Variants in ATP13A4 observed in about 807,000 individuals in gnomAD.
ATP13A4 encodes the protein probable cation-transporting ATPase 13A4.
Under a neutral mutation model 142.5 loss-of-function variants are expected in ATP13A4, and 114 were observed. The ratio of observed to expected loss-of-function variants is 0.80; its 90% CI spans 0.69 to 0.93. The LOEUF is 0.93. Ranked by LOEUF, ATP13A4 falls within the 40% of genes least tolerant of loss-of-function variation. The pLI is 0.00. For synonymous variants in ATP13A4, 488 were observed against 514.8 expected, an observed-to-expected ratio of 0.95 and a Z score of 0.70; for missense variants, 1,392 against 1,454.0, an observed-to-expected ratio of 0.96 and a Z score of 0.69.
At position 193,458,368 on chromosome 3, in the gene ATP13A4, G is replaced by T. The variant is rs117534905; in HGVS notation, c.1674+713C>A. Among the ~76,000 whole-genome samples the T allele has an allele frequency of 8.4e-4, 128 of 152,306 alleles. No homozygotes were observed. The East Asian group carries it at 0.013, about 15-fold the overall frequency. On this transcript the variant is annotated intron_variant, in intron 14 of 29. Transcript: ENST00000342695. ...TGGAGAACGTTTCCTTTTACGAGAA[G>T]ATTCCAGATTGTTTGTCTTGTTTTG...
At chr3:193,542,528 C>T (rs11706070) in intron 1 of ATP13A4, among the ~76,000 whole-genome samples, 1 of 152,020 alleles carries the variant, frequency 6.6e-6, no homozygotes, top group African/African-American at 2.4e-5. Context: ...CAAGACAATC[C>T]TAAGCAAAAA....
At chr3:193,534,034 G>A (rs1722466197) in intron 1 of ATP13A4, among the ~76,000 whole-genome samples, 1 of 152,184 alleles carries the variant, frequency 6.6e-6, no homozygotes, top group Admixed American at 6.5e-5. Flanking sequence ...GAAACCATCT[G>A]GGGAACATTA....
At chr3:193,577,510 G>A (rs887627858) in intron 2 of ATP13A4, among the ~76,000 whole-genome samples, 1 of 152,160 alleles carries the variant, frequency 6.6e-6, no homozygotes, top group African/African-American at 2.4e-5. Context: ...TTGAGAAAAT[G>A]AATACATTGC....
chr3:193,469,260 G>A (rs1718476719), intron 9 of ATP13A4, among the ~76,000 whole-genome samples: 2 of 152,196 alleles, frequency 1.3e-5, no homozygotes, highest in Non-Finnish European at 2.9e-5. Context: ...GAAAGTTATA[G>A]AGAAGATAGT....
At chr3:193,465,912 G>C (rs1718249172) in intron 11 of ATP13A4, 113 bp downstream of exon 11, 1 of 1,319,538 alleles carries the variant, frequency 7.6e-7, no homozygotes, top group Non-Finnish European at 1.1e-6. Context: ...ATCAGTGCTT[G>C]GTTTTGTTTC....
In ATP13A4 at chr3:193,454,220, G is replaced by C. The variant is rs1194428293; in HGVS notation, c.1916-8C>G. ...TAACAAAACTAGTGGGTACTGTTTA[G>C]AAAGAAACACAGGGTTAGTACGCAG... On this transcript the variant is annotated splice_region_variant and splice_polypyrimidine_tract_variant and intron_variant, in intron 16 of 29. Coordinates refer to ENST00000342695, the MANE Select transcript of ATP13A4 (RefSeq NM_032279.4). 1 of 1,591,870 alleles carries C rather than the reference G, an allele frequency of 6.3e-7. No individual in the cohort carries two copies. The highest frequency in any genetic ancestry group is 8.6e-7 in the Non-Finnish European group (1 of 1,159,868).
In ATP13A4 at chr3:193,518,550, T is replaced by C. The variant is rs79707945; in HGVS notation, c.61-3679A>G. On this transcript the variant is annotated intron_variant, in intron 1 of 29. Transcript: ENST00000342695. ...GAGAGGCCATACTGTTACATGCAGA[T>C]TATTGTCAAAGTCCTAGCTTTTGTT... is the stretch of plus-strand genomic sequence containing the variant. Among the ~76,000 whole-genome samples the C allele has an allele frequency of 5.5e-3, 838 of 152,316 alleles. 15 individuals are homozygous for C. In the East Asian group the frequency reaches 0.07, roughly 13 times the overall value.
intron 1 of ATP13A4, among the ~76,000 whole-genome samples, chr3:193,584,799 C>A (rs1376297342): frequency 6.6e-6 from 1 of 152,142 alleles, no homozygotes; most frequent in Non-Finnish European, 1.5e-5. Flanking sequence ...CTCATGTAAT[C>A]ATTCTTCATA....
In ATP13A4 at chr3:193,459,073, A is replaced by G. The variant is rs750411947; in HGVS notation, c.1674+8T>C. On this transcript the variant is annotated splice_region_variant and intron_variant, in intron 14 of 29. Transcript: ENST00000342695. ...GCTTCTCAGATTCTCTGAAGAGCAG[A>G]GGCTTACCCAGGTGGTGGCTTCAAA... 5.0e-6 allele frequency: 8 copies of G among 1,614,236 alleles called. No individual in the cohort carries two copies. The highest frequency in any genetic ancestry group is 6.8e-6 in the Non-Finnish European group (8 of 1,180,022).
chr3:193,458,755 GAGA>G, intron 14 of ATP13A4: 3 of 530,338 alleles, frequency 5.7e-6, no homozygotes, highest in Non-Finnish European at 6.7e-6. Context: ...ACAATGCTCG[GAGA>G]ACAGTACAGA....
rs566420317 is a variant in ATP13A4, at chr3:193,411,751, G to C, written c.3208+427C>G. 3.9e-5 allele frequency among the ~76,000 whole-genome samples: 6 copies of C among 152,300 alleles called. No individual in the cohort carries two copies. In the East Asian group the frequency reaches 1.2e-3, roughly 29 times the overall value. The stretch of plus-strand genomic sequence containing the variant: ...ACCCTCTCTAGTCAGGTTCCTCCAG[G>C]CTGGACCCACTAGCAGCCTGCCACC... On this transcript the variant is annotated intron_variant, in intron 27 of 29. Transcript: ENST00000342695.
intron 17 of ATP13A4, 55 bp downstream of exon 17, chr3:193,454,046 C>A: frequency 6.8e-7 from 1 of 1,464,888 alleles, no homozygotes; most frequent in Non-Finnish European, 9.6e-7. Flanking sequence ...GACATTCCAA[C>A]CTGGTACATC....
At chr3:193,460,916 T>C (rs911877326) in intron 13 of ATP13A4, among the ~76,000 whole-genome samples, 1 of 152,232 alleles carries the variant, frequency 6.6e-6, no homozygotes, top group African/African-American at 2.4e-5. Flanking sequence ...GGAAGAAATA[T>C]CAGAGATGAG....
chr3:193,527,200 C>A (rs9833496), intron 1 of ATP13A4, among the ~76,000 whole-genome samples: 21,438 of 152,150 alleles, frequency 0.14, 1,591 homozygotes, highest in Non-Finnish European at 0.16. Flanking sequence ...CCGCCCAAAT[C>A]TCATCTAGAA....
At chr3:193,465,904 C>T (rs1381900628) in intron 11 of ATP13A4, 121 bp downstream of exon 11, 2 of 1,175,338 alleles carry the variant, frequency 1.7e-6, no homozygotes, top group Admixed American at 1.8e-5. Context: ...ACGTAGGCAT[C>T]AGTGCTTGGT....
chr3:193,482,450 G>A (rs1465042313), intron 8 of ATP13A4, among the ~76,000 whole-genome samples: 1 of 152,064 alleles, frequency 6.6e-6, no homozygotes, highest in Non-Finnish European at 1.5e-5. Flanking sequence ...TCTGCTCTTT[G>A]AAAAACACTG....
chr3:193,450,301 T>G (rs1717204530), intron 17 of ATP13A4, among the ~76,000 whole-genome samples: 1 of 152,166 alleles, frequency 6.6e-6, no homozygotes, highest in South Asian at 2.1e-4. Context: ...ACTCATGCGG[T>G]GCCCAACACA....
At chr3:193,428,041 T>G (rs918173947) in intron 25 of ATP13A4, among the ~76,000 whole-genome samples, 2 of 152,100 alleles carry the variant, frequency 1.3e-5, no homozygotes, top group African/African-American at 4.8e-5. Context: ...AATCTACTCA[T>G]CTGACAAAGG....
intron 1 of ATP13A4, 66 bp downstream of exon 1, chr3:193,554,663 TGTGTGTGTGTG>T: frequency 1.5e-6 from 1 of 675,198 alleles, no homozygotes; most frequent in Non-Finnish European, 2.1e-6. Flanking sequence ...CGTGTGTGTG[TGTGTGTGTGTG>T]TGTGTGTGTG....
Sources: allele counts gnomAD v4.1 joint callset (sites outside exome capture counted in the v4.1 genomes callset), GRCh38; gene constraint gnomAD v4.1.1; transcripts MANE v1.5; gene names NCBI Gene and HGNC (gene_info 2026-07-23, HGNC 2026-07-21).